Variants in GRIN2B observed in about 807,000 individuals in gnomAD.
GRIN2B encodes glutamate receptor ionotropic, NMDA 2B.
Under a neutral mutation model 114.5 loss-of-function variants are expected in GRIN2B, and 5 were observed. The ratio of observed to expected loss-of-function variants is 0.04; its 90% CI spans 0.02 to 0.09. The LOEUF is 0.09. Among genes scored for constraint, GRIN2B ranks in the 10% least tolerant of loss-of-function variants. The pLI, the probability that GRIN2B is intolerant of heterozygous loss-of-function variation, is 1.00. For synonymous variants in GRIN2B, 787 were observed against 745.1 expected (o/e 1.06, Z -0.92); for missense variants, 1,108 against 1,943.5 (o/e 0.57, Z 8.08).
chr12:13,732,003 G>T (rs1863094228), intron 4 of GRIN2B, among the ~76,000 whole-genome samples: 1 of 152,162 alleles, frequency 6.6e-6, no homozygotes, highest in Admixed American at 6.5e-5. Context: ...GCCATGGGTA[G>T]AGATTCAAGA....
chr12:13,641,930 G>A (rs1037282303), intron 5 of GRIN2B, among the ~76,000 whole-genome samples: 21 of 152,144 alleles, frequency 1.4e-4, no homozygotes, highest in African/African-American at 5.1e-4. Context: ...GCTCATGCCT[G>A]TAATCCCAGA....
At chr12:13,603,035 C>A (rs1949184253) in intron 10 of GRIN2B, among the ~76,000 whole-genome samples, 1 of 152,074 alleles carries the variant, frequency 6.6e-6, no homozygotes, top group Non-Finnish European at 1.5e-5. Flanking sequence ...GACCCCAGAC[C>A]CCACTGACCC....
intron 5 of GRIN2B, among the ~76,000 whole-genome samples, chr12:13,655,278 G>A (rs1269125172): frequency 6.6e-6 from 1 of 152,078 alleles, no homozygotes; most frequent in Non-Finnish European, 1.5e-5. Flanking sequence ...ATCTTTTCAA[G>A]CTTGTTCTCC....
chr12:13,940,450 A>ACACG (rs1371732020), intron 2 of GRIN2B, among the ~76,000 whole-genome samples: 3 of 151,984 alleles, frequency 2.0e-5, no homozygotes, highest in Admixed American at 1.3e-4. Flanking sequence ...ACACACACAC[A>ACACG]CACGCACACA....
chr12:13,784,863 C>T (rs550296149), intron 3 of GRIN2B, among the ~76,000 whole-genome samples: 1 of 152,346 alleles, frequency 6.6e-6, no homozygotes, highest in African/African-American at 2.4e-5. Context: ...CCAACCAAAG[C>T]TGACCACAGA....
intron 4 of GRIN2B, among the ~76,000 whole-genome samples, chr12:13,725,945 T>C (rs1328209722): frequency 6.6e-6 from 1 of 152,040 alleles, no homozygotes; most frequent in Non-Finnish European, 1.5e-5. Context: ...TTGCAGATCT[T>C]CACCTGCTCT....
chr12:13,923,900 C>T (rs1866868550), intron 2 of GRIN2B, among the ~76,000 whole-genome samples: 1 of 152,146 alleles, frequency 6.6e-6, no homozygotes. Context: ...TGACAACTCA[C>T]CTACATTGCT....
intron 5 of GRIN2B, among the ~76,000 whole-genome samples, chr12:13,655,886 C>CT (rs1465442940): frequency 6.6e-6 from 1 of 152,206 alleles, no homozygotes; most frequent in East Asian, 1.9e-4. Flanking sequence ...GAAGGATTGG[C>CT]TGACACTCCC....
intron 3 of GRIN2B, among the ~76,000 whole-genome samples, chr12:13,865,168 AAC>A (rs1422593749): frequency 6.6e-6 from 1 of 152,246 alleles, no homozygotes; most frequent in Non-Finnish European, 1.5e-5. Context: ...GCCAAAGAAT[AAC>A]AGAGTATGCC....
In GRIN2B at chr12:13,680,229, G is replaced by A. The variant is rs1159518308; in HGVS notation, c.1011-4370C>T. Among the ~76,000 whole-genome samples the A allele has an allele frequency of 5.9e-5, 9 of 152,136 alleles. No homozygotes were observed. In the South Asian group the frequency reaches 1.2e-3, roughly 21 times the overall value. ...CCCTTGGATCTGGCTGTACTTTGTC[G>A]ATTTTTAATATTAATTAGAACCTCG... On this transcript the variant is annotated intron_variant, in intron 4 of 13. Coordinates refer to ENST00000609686, the MANE Select transcript of GRIN2B (RefSeq NM_000834.5).
chr12:13,941,994 G>A (rs563737580), intron 2 of GRIN2B, among the ~76,000 whole-genome samples: 10 of 152,320 alleles, frequency 6.6e-5, no homozygotes, highest in African/African-American at 2.4e-4. Flanking sequence ...GTCACAACTT[G>A]TTCAAGTTTG....
chr12:13,842,333 A>T (rs182184353), intron 3 of GRIN2B, among the ~76,000 whole-genome samples: 6 of 152,212 alleles, frequency 3.9e-5, no homozygotes, highest in African/African-American at 1.4e-4. Flanking sequence ...TTTGATATGC[A>T]TTATTTTTCT....
At chr12:13,718,904 A>T (rs572481421) in intron 4 of GRIN2B, among the ~76,000 whole-genome samples, 13 of 152,164 alleles carry the variant, frequency 8.5e-5, no homozygotes, top group Admixed American at 5.2e-4. Context: ...ACAGGGACTA[A>T]AGATGCCCTT....
chr12:13,757,443 A>T (rs1226177025), intron 3 of GRIN2B, among the ~76,000 whole-genome samples: 1 of 152,136 alleles, frequency 6.6e-6, no homozygotes, highest in East Asian at 1.9e-4. Flanking sequence ...TGGTGGCCAC[A>T]CATCCATCTT....
Position 13,753,925 on chromosome 12 carries a change from G to T in GRIN2B, c.412-10C>A. On this transcript the variant is annotated splice_polypyrimidine_tract_variant and intron_variant, in intron 3 of 13. Coordinates refer to ENST00000609686, the MANE Select transcript of GRIN2B (RefSeq NM_000834.5). This position sits in a 1 kb window ranked among gnomAD's most constrained non-coding sequence, Gnocchi z 6.2. ...ACATGGAGGATTCATCCTAGAAAAA[G>T]AACAGGACAAAAAAAGGAAGAGAGA... The T allele has an allele frequency of 7.7e-6, 12 of 1,559,946 alleles. No homozygotes were observed. The highest frequency in any genetic ancestry group is 1.1e-5 in the Non-Finnish European group (12 of 1,131,552).
chr12:13,684,548 C>T (rs1425421422), intron 4 of GRIN2B, among the ~76,000 whole-genome samples: 1 of 152,136 alleles, frequency 6.6e-6, no homozygotes, highest in African/African-American at 2.4e-5. Context: ...TACAGGAAAG[C>T]CAGACTTATT....
intron 3 of GRIN2B, among the ~76,000 whole-genome samples, chr12:13,849,422 C>T (rs1306400836): frequency 6.6e-6 from 1 of 152,130 alleles, no homozygotes; most frequent in Non-Finnish European, 1.5e-5. Flanking sequence ...AATTGTTGCA[C>T]TCACACTTCC....
At chr12:13,699,478 G>C (rs544294536) in intron 4 of GRIN2B, among the ~76,000 whole-genome samples, 1 of 152,144 alleles carries the variant, frequency 6.6e-6, no homozygotes, top group Admixed American at 6.5e-5. Context: ...AAAAAAGATA[G>C]GGTTGGCAAA....
chr12:13,816,876 C>T (rs1278465533), intron 3 of GRIN2B, among the ~76,000 whole-genome samples: 2 of 152,102 alleles, frequency 1.3e-5, no homozygotes, highest in East Asian at 1.9e-4. Flanking sequence ...GCAATCTAAA[C>T]CTAAGTCAAA....
Sources: gnomAD v4.1 joint callset for allele counts (sites outside exome capture counted in the v4.1 genomes callset) on GRCh38, gnomAD v4.1.1 for gene constraint, Gnocchi (gnomAD v3.1) non-coding constraint, MANE v1.5 for transcripts, NCBI Gene and HGNC (gene_info 2026-07-23, HGNC 2026-07-21) for gene names.